Variants in WDR7 observed in about 807,000 individuals in gnomAD.
WDR7 encodes the protein WD repeat domain 7, also known as WD repeat-containing protein 7.
WDR7 carries 46 observed loss-of-function variants against 169.4 expected under a neutral mutation model. The ratio of observed to expected loss-of-function variants is 0.27; its 90% CI spans 0.21 to 0.35. The LOEUF (loss-of-function observed/expected upper bound fraction) is 0.35. Among genes scored for constraint, WDR7 ranks in the 10% least tolerant of loss-of-function variants. The pLI is 1.00. For synonymous variants in WDR7, 612 were observed against 666.8 expected (o/e 0.92, Z 1.27); for missense variants, 1,534 against 1,859.3 (o/e 0.83, Z 3.22).
At chr18:56,892,483 C>A (rs374520961) in intron 21 of WDR7, among the ~76,000 whole-genome samples, 1 of 152,080 alleles carries the variant, frequency 6.6e-6, no homozygotes, top group Admixed American at 6.6e-5. Flanking sequence ...GGCCACAGAT[C>A]AGCAAACCAT....
At position 56,992,797 on chromosome 18, in the gene WDR7, T is replaced by C. The variant is rs566379716; in HGVS notation, c.4165-27948T>C. 2.6e-5 allele frequency among the ~76,000 whole-genome samples: 4 copies of C among 152,344 alleles called. No homozygotes were observed. In the South Asian group the frequency reaches 8.3e-4, roughly 32 times the overall value. ...TCAATTCCCAAATATTTCACTGAAC[T>C]AGAAGTTCAGGGATACGATAGTTAA... On this transcript the variant is annotated intron_variant, in intron 26 of 27. Transcript: ENST00000254442.
At chr18:56,968,635 T>C (rs961040062) in intron 26 of WDR7, among the ~76,000 whole-genome samples, 1 of 152,164 alleles carries the variant, frequency 6.6e-6, no homozygotes, top group African/African-American at 2.4e-5. Flanking sequence ...GTGGTCTAAC[T>C]CTAATCCCGT....
At chr18:56,725,767 C>G (rs1190045380) in intron 13 of WDR7, among the ~76,000 whole-genome samples, 2 of 152,090 alleles carry the variant, frequency 1.3e-5, no homozygotes, top group Admixed American at 6.5e-5. Flanking sequence ...AGGTTTTCTT[C>G]TAGGGTTTTT....
chr18:56,741,205 T>G (rs1290278096), intron 14 of WDR7, among the ~76,000 whole-genome samples: 1 of 152,174 alleles, frequency 6.6e-6, no homozygotes, highest in Non-Finnish European at 1.5e-5. Flanking sequence ...AAGTTTAAAG[T>G]ATTTGCTATG....
At chr18:56,931,295 T>C (rs555710947) in intron 22 of WDR7, among the ~76,000 whole-genome samples, 1 of 152,336 alleles carries the variant, frequency 6.6e-6, no homozygotes, top group East Asian at 1.9e-4. Context: ...CCTCTGATAG[T>C]ATGGTCCTTC....
chr18:56,990,311 T>C (rs2047792408), intron 26 of WDR7, among the ~76,000 whole-genome samples: 1 of 152,198 alleles, frequency 6.6e-6, no homozygotes. Flanking sequence ...GGAAAGGAAC[T>C]TGGAGCAATC....
At chr18:56,909,623 G>T (rs911944645) in intron 21 of WDR7, among the ~76,000 whole-genome samples, 1 of 152,158 alleles carries the variant, frequency 6.6e-6, no homozygotes, top group East Asian at 1.9e-4. Flanking sequence ...AACATAAGAA[G>T]TGAATACCGT....
At chr18:56,911,598 A>G (rs1218458438) in intron 21 of WDR7, among the ~76,000 whole-genome samples, 3 of 152,204 alleles carry the variant, frequency 2.0e-5, no homozygotes, top group Non-Finnish European at 2.9e-5. Context: ...CCAAGGGCAT[A>G]CTTATCTGGG....
In WDR7 at chr18:57,029,272, C is replaced by T. The variant is rs2048413621; in HGVS notation, c.*2065C>T. The T allele has an allele frequency of 6.6e-6, 1 of 152,178 alleles. No homozygotes were observed. Among genetic ancestry groups the T allele is most frequent in the East Asian group, 1.9e-4 (1 of 5,178 alleles). The allele number at this position is 152,178 out of a possible 1,614,324, so 9.4% of individuals were successfully genotyped here. On this transcript the variant is annotated 3_prime_UTR_variant, in exon 28 of 28. Transcript: ENST00000254442. ...CCAGAGGAGCAATAGCCCTGGGCCACAAGCGTGGGTAGGCCTTTCACGTAT... is the reference window on the plus strand; with the variant it reads ...CCAGAGGAGCAATAGCCCTGGGCCATAAGCGTGGGTAGGCCTTTCACGTAT...
At chr18:56,938,774 T>C in intron 24 of WDR7, 92 bp downstream of exon 24, 1 of 1,454,486 alleles carries the variant, frequency 6.9e-7, no homozygotes, top group East Asian at 2.5e-5. Flanking sequence ...TTCCAGCATC[T>C]CTAAAAGAGA....
chr18:57,027,330 A>ACGAC lies in WDR7; in HGVS notation c.*125_*126insACCG. On this transcript the variant is annotated 3_prime_UTR_variant, in exon 28 of 28. Coordinates refer to ENST00000254442, the MANE Select transcript of WDR7 (RefSeq NM_015285.3). ...GCCCACCCCAGTGCCATCCAGTGGC[A>ACGAC]CGGCCGGGTCTTGTCACTTGTGCAT... 8.2e-7 allele frequency: 1 copy of ACGAC among 1,216,884 alleles called. No homozygotes were observed. Among genetic ancestry groups the ACGAC allele is most frequent in the Admixed American group, 2.4e-5 (1 of 42,492 alleles). 75.4% of individuals were successfully genotyped at this position (1,216,884 alleles called of 1,614,324 possible).
intron 26 of WDR7, among the ~76,000 whole-genome samples, chr18:56,979,714 A>G (rs2047614537): frequency 6.6e-6 from 1 of 152,220 alleles, no homozygotes; most frequent in South Asian, 2.1e-4. Flanking sequence ...CCTACTAGCT[A>G]CTAGGCTAGT....
intron 20 of WDR7, among the ~76,000 whole-genome samples, chr18:56,846,355 G>A (rs1319220800): frequency 6.6e-6 from 1 of 152,104 alleles, no homozygotes; most frequent in Non-Finnish European, 1.5e-5. Flanking sequence ...CCCAGGGGGA[G>A]GTAATTGGAT....
rs1007120511 is a variant in WDR7, at chr18:56,874,069, T to G, written c.3305-5875T>G. 5.3e-5 allele frequency: 8 copies of G among 152,350 alleles called. 2 individuals carry two copies. The South Asian group carries it at 1.7e-3, about 32-fold the overall frequency. The allele number at this position is 152,350 out of a possible 1,614,324, so 9.4% of individuals were successfully genotyped here. ...GAGGGGAGCTTGGTTTGCTTCCTGTTTCAAGAATACTATGTAAAGAGTAAA... is the reference window on the plus strand; with the variant it reads ...GAGGGGAGCTTGGTTTGCTTCCTGTGTCAAGAATACTATGTAAAGAGTAAA... On this transcript the variant is annotated intron_variant, in intron 20 of 27. Coordinates refer to ENST00000254442, the MANE Select transcript of WDR7 (RefSeq NM_015285.3).
intron 12 of WDR7, among the ~76,000 whole-genome samples, chr18:56,701,521 A>G (rs904470352): frequency 6.6e-6 from 1 of 152,172 alleles, no homozygotes; most frequent in African/African-American, 2.4e-5. Context: ...TGGTTTTCTC[A>G]TGATTTATTG....
chr18:56,950,518 A>C (rs992251831), intron 25 of WDR7, among the ~76,000 whole-genome samples: 2 of 152,188 alleles, frequency 1.3e-5, no homozygotes, highest in African/African-American at 4.8e-5. Flanking sequence ...GCATCTGCAA[A>C]CCACAGTTTG....
Position 57,009,850 on chromosome 18 carries a change from G to A in WDR7, c.4165-10895G>A, listed in dbSNP as rs138132842. 216 of 985,360 alleles carry A rather than the reference G, an allele frequency of 2.2e-4. No individual in the cohort carries two copies. In the East Asian group the frequency reaches 6.6e-3, roughly 30 times the overall value. The allele number at this position is 985,360 out of a possible 1,614,324, so 61.0% of individuals were successfully genotyped here. A position where few individuals can be genotyped will look rare whatever the true frequency, so the allele number is the denominator to read the frequency against. On this transcript the variant is annotated intron_variant, in intron 26 of 27. Coordinates refer to ENST00000254442, the MANE Select transcript of WDR7 (RefSeq NM_015285.3). The stretch of plus-strand genomic sequence containing the variant: ...TTTGTGTCACCAGGCACTATACCAG[G>A]CAAAGGAGAGGTGACAAAGGAGCGG...
intron 19 of WDR7, among the ~76,000 whole-genome samples, chr18:56,795,915 G>A (rs1357445482): frequency 1.3e-5 from 2 of 152,026 alleles, no homozygotes; most frequent in African/African-American, 4.8e-5. Flanking sequence ...TTTCATTTTA[G>A]TTGCACAATT....
intron 16 of WDR7, among the ~76,000 whole-genome samples, chr18:56,771,279 TC>T (rs1207125101): frequency 6.6e-6 from 1 of 152,224 alleles, no homozygotes; most frequent in Non-Finnish European, 1.5e-5. Context: ...GTTCATTTTC[TC>T]TGTATGGTTT....
Sources: gnomAD v4.1 joint callset for allele counts (sites outside exome capture counted in the v4.1 genomes callset) on GRCh38, gnomAD v4.1.1 for gene constraint, MANE v1.5 for transcripts, NCBI Gene and HGNC (gene_info 2026-07-23, HGNC 2026-07-21) for gene names.